The following SLCO1B1 variants were observed in gnomAD, a reference collection of about 807,000 sequenced individuals.
The protein encoded by SLCO1B1 is solute carrier organic anion transporter family member 1B1, also known as OATP-2.
SLCO1B1 carries 81 observed loss-of-function variants against 70.1 expected under a neutral mutation model. That is an observed-to-expected ratio of 1.16 (90% CI 0.97 to 1.39). The LOEUF is 1.39. Among genes scored for constraint, SLCO1B1 ranks in the 40% most tolerant of loss-of-function variants. The pLI, the probability that SLCO1B1 is intolerant of heterozygous loss-of-function variation, is 0.00. For synonymous variants in SLCO1B1, 283 were observed against 271.5 expected (o/e 1.04, Z -0.42); for missense variants, 895 against 799.6 (o/e 1.12, Z -1.44).
intron 1 of SLCO1B1, among the ~76,000 whole-genome samples, chr12:21,137,059 C>G (rs1431678350): frequency 6.6e-6 from 1 of 152,164 alleles, no homozygotes; most frequent in African/African-American, 2.4e-5. Context: ...AGACAGGACC[C>G]TCAGCTGCAG....
chr12:21,188,261 G>C (rs1426549494), intron 7 of SLCO1B1, among the ~76,000 whole-genome samples: 30 of 151,866 alleles, frequency 2.0e-4, no homozygotes. Context: ...AGCAAGACCA[G>C]TGCCTCCCAT....
chr12:21,138,924 A>T (rs1330862337), intron 1 of SLCO1B1, among the ~76,000 whole-genome samples: 1 of 152,172 alleles, frequency 6.6e-6, no homozygotes, highest in Admixed American at 6.6e-5. Flanking sequence ...AAGACCATCA[A>T]ATAGAAACTG....
chr12:21,141,792 A>G (rs1398963221), intron 2 of SLCO1B1, 134 bp downstream of exon 2: 2 of 573,788 alleles, frequency 3.5e-6, no homozygotes, highest in African/African-American at 1.9e-5. Flanking sequence ...AAATATTAAC[A>G]TAATGATTCA....
chr12:21,178,740 T>G lies in SLCO1B1; in HGVS notation c.628+18T>G. On this transcript the variant is annotated intron_variant, in intron 6 of 14. Coordinates refer to ENST00000256958, the MANE Select transcript of SLCO1B1 (RefSeq NM_006446.5). ...GTATTTAGGTAATGTACACAAAATA[T>G]TAAATTGTATGATCACTTTCCCTTT... 6.3e-7 allele frequency: 1 copy of G among 1,584,576 alleles called. No homozygotes were observed. The highest frequency in any genetic ancestry group is 8.7e-7 in the Non-Finnish European group (1 of 1,153,172).
intron 1 of SLCO1B1, among the ~76,000 whole-genome samples, chr12:21,135,297 G>A (rs1940201954): frequency 6.6e-6 from 1 of 152,140 alleles, no homozygotes; most frequent in Non-Finnish European, 1.5e-5. Context: ...GTGCTGAAAA[G>A]AATGTATATT....
intron 1 of SLCO1B1, among the ~76,000 whole-genome samples, chr12:21,135,631 G>T (rs1433136996): frequency 6.6e-6 from 1 of 152,074 alleles, no homozygotes; most frequent in Non-Finnish European, 1.5e-5. Flanking sequence ...TATAAAGTCT[G>T]TTTTATCAGA....
intron 12 of SLCO1B1, among the ~76,000 whole-genome samples, chr12:21,220,251 T>C (rs1941407782): frequency 6.6e-6 from 1 of 152,166 alleles, no homozygotes; most frequent in African/African-American, 2.4e-5. Flanking sequence ...ATTTGTTCTA[T>C]CTCTATAAAG....
intron 10 of SLCO1B1, 46 bp downstream of exon 10, chr12:21,202,732 A>G (rs958492538): frequency 7.0e-7 from 1 of 1,425,614 alleles, no homozygotes. Context: ...TTAACCATCA[A>G]ATTAAGAGTC....
intron 10 of SLCO1B1, among the ~76,000 whole-genome samples, 178 bp from the exon 11 acceptor site, chr12:21,205,690 A>T (rs909464237): frequency 1.3e-5 from 2 of 151,602 alleles, no homozygotes; most frequent in Non-Finnish European, 2.9e-5. Context: ...AATAAGCATT[A>T]AAAAAAACTT....
Position 21,178,561 on chromosome 12 carries a change from CTCTTA to C in SLCO1B1, c.482-11_482-7del, listed in dbSNP as rs752212835. On this transcript the variant is annotated splice_polypyrimidine_tract_variant and intron_variant, in intron 5 of 14. Coordinates refer to ENST00000256958, the MANE Select transcript of SLCO1B1 (RefSeq NM_006446.5). ...AAATTAATGTTTAAAATGAAACACT[CTCTTA>C]TCTACATAGGTTGTTTAAAGGAATC... 3 of 1,572,896 alleles carry C rather than the reference CTCTTA, an allele frequency of 1.9e-6. No homozygotes were observed. In the East Asian group the frequency reaches 6.7e-5, roughly 35 times the overall value.
chr12:21,152,423 T>C (rs1226695111), intron 2 of SLCO1B1, among the ~76,000 whole-genome samples: 1 of 151,502 alleles, frequency 6.6e-6, no homozygotes, highest in Non-Finnish European at 1.5e-5. Context: ...TTTTTTCTTT[T>C]AGATGACTGG....
At chr12:21,174,174 A>G (rs1455301089) in intron 3 of SLCO1B1, among the ~76,000 whole-genome samples, 3 of 152,108 alleles carry the variant, frequency 2.0e-5, no homozygotes, top group Admixed American at 6.6e-5. Flanking sequence ...TTCTTTTTCA[A>G]GTAACTTTCT....
rs148647456 is a variant in SLCO1B1 at position 21,197,072 on chromosome 12, A to G, written c.854A>G (p.Lys285Arg). 6.2e-7 allele frequency: 1 copy of G among 1,613,686 alleles called. No homozygotes were observed. Among genetic ancestry groups the G allele is most frequent in the Non-Finnish European group, 8.5e-7 (1 of 1,179,776 alleles). Residue 285 changes from lysine (K) to arginine (R), a missense_variant, in exon 8 of 15, where the codon AAA (lysine) becomes AGA (arginine). Physicochemically the swap from Lys to Arg is conservative, Grantham distance 26 (BLOSUM62 2). Transcript: ENST00000256958. ...PFFFLPQTPNKPQKERKASLS... is the reference protein window; with the variant it reads ...PFFFLPQTPNRPQKERKASLS... Reference sequence around the variant, plus strand: ...TTTTTCTTGCCCCAAACTCCAAATAAACCACAAAAAGAAAGAAAAGCTTCA... The same window carrying G: ...TTTTTCTTGCCCCAAACTCCAAATAGACCACAAAAAGAAAGAAAAGCTTCA...
intron 9 of SLCO1B1, 44 bp from the exon 10 acceptor site, chr12:21,202,447 A>C: frequency 8.0e-7 from 1 of 1,245,630 alleles, no homozygotes; most frequent in Non-Finnish European, 1.1e-6. Flanking sequence ...AAGACATATC[A>C]GAAAACTCAT....
chr12:21,180,674 A>C (rs533425660), intron 7 of SLCO1B1, among the ~76,000 whole-genome samples: 2 of 152,290 alleles, frequency 1.3e-5, no homozygotes, highest in South Asian at 4.1e-4. Context: ...CTAAAACTAT[A>C]AAGAAAATAC....
chr12:21,236,317 C>G (rs1433195643), intron 14 of SLCO1B1, among the ~76,000 whole-genome samples: 1 of 152,134 alleles, frequency 6.6e-6, no homozygotes, highest in Non-Finnish European at 1.5e-5. Context: ...TCCACTGACC[C>G]CTGTGCCTAC....
intron 11 of SLCO1B1, among the ~76,000 whole-genome samples, chr12:21,208,623 T>C (rs902769589): frequency 2.7e-4 from 41 of 152,082 alleles, no homozygotes; most frequent in African/African-American, 9.9e-4. Context: ...TCTTTTTTCC[T>C]ATGGAATTTT....
intron 2 of SLCO1B1, among the ~76,000 whole-genome samples, chr12:21,163,622 G>A (rs1345090123): frequency 6.6e-6 from 1 of 152,052 alleles, no homozygotes; most frequent in South Asian, 2.1e-4. Flanking sequence ...CCAAGATCAG[G>A]GTGCCAGTAT....
At chr12:21,168,153 A>G (rs1940712593) in intron 2 of SLCO1B1, among the ~76,000 whole-genome samples, 1 of 152,070 alleles carries the variant, frequency 6.6e-6, no homozygotes, top group Non-Finnish European at 1.5e-5. Context: ...AGAATCATAC[A>G]GTATCTCTCC....
Sources: gnomAD v4.1 joint callset for allele counts (sites outside exome capture counted in the v4.1 genomes callset) on GRCh38, gnomAD v4.1.1 for gene constraint, MANE v1.5 for transcripts, NCBI Gene and HGNC (gene_info 2026-07-23, HGNC 2026-07-21) for gene names.